GPR107: variants seen among roughly 807,000 people sequenced by gnomAD.
The protein encoded by GPR107 is G protein-coupled receptor 107, also known as protein GPR107.
In GPR107, 31 loss-of-function variants were observed where a neutral mutation model predicts 75.5. That is an observed-to-expected ratio of 0.41 (90% CI 0.31 to 0.55). The LOEUF (loss-of-function observed/expected upper bound fraction) is 0.55, where lower values mean the gene tolerates loss of function less well. Among genes scored for constraint, GPR107 ranks in the 20% least tolerant of loss-of-function variants. The pLI is 0.26. For synonymous variants in GPR107, 267 were observed against 251.3 expected (o/e 1.06, Z -0.59); for missense variants, 572 against 665.7 (o/e 0.86, Z 1.55).
In GPR107 at chr9:130,054,038, C is replaced by T; in HGVS notation, c.106C>T (p.Pro36Ser). 1 of 1,555,714 alleles carries T rather than the reference C, an allele frequency of 6.4e-7. No homozygotes were observed. Among genetic ancestry groups the T allele is most frequent in the Non-Finnish European group, 8.7e-7 (1 of 1,149,634 alleles). ...MLGLLQLLAE[P>S]GLGRVHHLAL... ...GGGTTTGCTGCAGTTGCTGGCCGAG[C>T]CTGGCCTGGGCCGCGTCCATCACCT... The change falls in exon 1 of 18, where the codon CCT becomes TCT. Residue 36 changes from proline (P) to serine (S), a missense_variant. Physicochemically the swap from Pro to Ser is moderately conservative, Grantham distance 74. Transcript: ENST00000347136.
In GPR107 at chr9:130,106,823, G is replaced by A. The variant is rs78282158; in HGVS notation, c.1263-673G>A. The stretch of plus-strand genomic sequence containing the variant: ...TGAGTGACAGTGTCAGACCACAGCC[G>A]CCTTCCCTCACACAGCCTGTCTGCC... On this transcript the variant is annotated intron_variant, in intron 13 of 17. Coordinates refer to ENST00000347136, the MANE Select transcript of GPR107 (RefSeq NM_020960.5). Among the ~76,000 whole-genome samples the A allele has an allele frequency of 5.3e-3, 813 of 151,974 alleles. 7 individuals are homozygous for A. The highest frequency in any genetic ancestry group is 0.019 in the African/African-American group (770 of 41,460).
chr9:130,094,095 G>A (rs557148155), intron 9 of GPR107, among the ~76,000 whole-genome samples: 6 of 151,532 alleles, frequency 4.0e-5, no homozygotes, highest in African/African-American at 9.7e-5. Context: ...GATTACAGGC[G>A]TGAGCCACCA....
At chr9:130,117,418 C>T (rs1831453067) in intron 14 of GPR107, among the ~76,000 whole-genome samples, 1 of 152,108 alleles carries the variant, frequency 6.6e-6, no homozygotes, top group Non-Finnish European at 1.5e-5. Context: ...GAGGGCAGCT[C>T]GTGAACTAAA....
chr9:130,065,145 G>A (rs1830038343), intron 1 of GPR107, among the ~76,000 whole-genome samples: 1 of 152,100 alleles, frequency 6.6e-6, no homozygotes, highest in Non-Finnish European at 1.5e-5. Flanking sequence ...CAGAGAACAT[G>A]TTTAGCCATT....
At chr9:130,056,143 G>A (rs1330885282) in intron 1 of GPR107, among the ~76,000 whole-genome samples, 1 of 151,270 alleles carries the variant, frequency 6.6e-6, no homozygotes, top group East Asian at 2.0e-4. Flanking sequence ...CTCCAGAAAA[G>A]TGCATGTAGA....
chr9:130,136,575 CTG>C lies in GPR107; in HGVS notation c.*1455_*1456del, dbSNP rs1247931122. 2 of 152,174 alleles carry C rather than the reference CTG, an allele frequency of 1.3e-5. No individual in the cohort carries two copies. Among genetic ancestry groups the C allele is most frequent in the African/African-American group, 4.8e-5 (2 of 41,438 alleles). 9.4% of individuals were successfully genotyped at this position (152,174 alleles called of 1,614,324 possible). A position where few individuals can be genotyped will look rare whatever the true frequency, so the allele number is the denominator to read the frequency against. On this transcript the variant is annotated 3_prime_UTR_variant, in exon 18 of 18. Coordinates refer to ENST00000347136, the MANE Select transcript of GPR107 (RefSeq NM_020960.5). ...GTCTCTGGGAGTTGTTTTCTCACCT[CTG>C]GCTTAGAAGGGTCAGGCAGAAACCA...
intron 14 of GPR107, among the ~76,000 whole-genome samples, chr9:130,120,353 C>T (rs758845): frequency 0.97 from 148,205 of 152,234 alleles, 72,177 homozygotes; most frequent in East Asian, 1. Context: ...TGTGACGTGG[C>T]GACGCATGAT....
Position 130,076,578 on chromosome 9 carries a change from A to T in GPR107, c.306+116A>T, listed in dbSNP as rs188689500. 1.9e-4 allele frequency: 136 copies of T among 732,180 alleles called. No individual in the cohort carries two copies. In the East Asian group the frequency reaches 3.2e-3, roughly 17 times the overall value. 45.4% of individuals were successfully genotyped at this position (732,180 alleles called of 1,614,324 possible). ...TTTTTTTTTTGGAGTACGGTGGCAC[A>T]ATCATAGCTCACTGCAACCTTGACC... On this transcript the variant is annotated intron_variant, in intron 3 of 17. Transcript: ENST00000347136.
intron 15 of GPR107, among the ~76,000 whole-genome samples, chr9:130,125,640 C>T (rs1421577507): frequency 1.9e-4 from 27 of 141,684 alleles, no homozygotes; most frequent in Non-Finnish European, 3.6e-4. Flanking sequence ...CTCGCTCTGT[C>T]GCCCAGGCTG....
At chr9:130,091,009 A>G (rs375069960) in intron 8 of GPR107, 26 bp downstream of exon 8, 4 of 937,932 alleles carry the variant, frequency 4.3e-6, no homozygotes, top group African/African-American at 3.2e-5. Flanking sequence ...AGATTGTTCT[A>G]CGTGGATTTT....
chr9:130,127,785 C>G (rs1259829950), intron 16 of GPR107, among the ~76,000 whole-genome samples: 1 of 152,192 alleles, frequency 6.6e-6, no homozygotes, highest in Admixed American at 6.5e-5. Context: ...TCACTGCAAC[C>G]TCCACCTCCC....
chr9:130,104,332 G>T (rs1831107520), intron 12 of GPR107, 88 bp from the exon 13 acceptor site: 1 of 1,213,134 alleles, frequency 8.2e-7, no homozygotes, highest in Non-Finnish European at 1.2e-6. Flanking sequence ...TGGGTCTGGA[G>T]GCCAAGGTGT....
In GPR107 at chr9:130,075,706, T is replaced by A. The variant is rs1197833112; in HGVS notation, c.212T>A (p.Val71Asp). The change falls in exon 2 of 18, where the codon GTC becomes GAC. Residue 71 changes from valine (V) to aspartate (D), a missense_variant. Val to Asp is a radical substitution (Grantham distance 152, BLOSUM62 -3). Coordinates refer to ENST00000347136, the MANE Select transcript of GPR107 (RefSeq NM_020960.5). ...AAGGATGGGTACATGGTGGTGAATGTCAGTAGCCTCTCACTGAATGAGCCT... is the reference window on the plus strand; with the variant it reads ...AAGGATGGGTACATGGTGGTGAATGACAGTAGCCTCTCACTGAATGAGCCT... Reference protein sequence around the residue: ...FFKDGYMVVNVSSLSLNEPED... With the variant: ...FFKDGYMVVNDSSLSLNEPED... 6.2e-7 allele frequency: 1 copy of A among 1,606,182 alleles called. No homozygotes were observed. The highest frequency in any genetic ancestry group is 2.2e-5 in the East Asian group (1 of 44,834).
intron 12 of GPR107, 51 bp downstream of exon 12, chr9:130,101,274 G>T: frequency 2.0e-6 from 2 of 976,064 alleles, no homozygotes; most frequent in Non-Finnish European, 3.3e-6. Flanking sequence ...CGCTTAGCAG[G>T]GCTCAGCTCC....
At chr9:130,062,961 C>G (rs1423792041) in intron 1 of GPR107, among the ~76,000 whole-genome samples, 1 of 152,114 alleles carries the variant, frequency 6.6e-6, no homozygotes, top group Non-Finnish European at 1.5e-5. Context: ...AACTCCTGGT[C>G]TCAAGCACTC....
At chr9:130,095,120 T>TCA (rs1830832314) in intron 9 of GPR107, among the ~76,000 whole-genome samples, 2 of 152,202 alleles carry the variant, frequency 1.3e-5, no homozygotes, top group South Asian at 4.1e-4. Context: ...GTGCCTTGCT[T>TCA]CACTGTAAAT....
At position 130,079,520 on chromosome 9, in the gene GPR107, G is replaced by A. The variant is rs1005028825; in HGVS notation, c.387-110G>A. ...GAATGTGGATAATAGAATCTACATTGTAGAACATGATAAGGACTGCATGAG... is the reference window on the plus strand; with the variant it reads ...GAATGTGGATAATAGAATCTACATTATAGAACATGATAAGGACTGCATGAG... On this transcript the variant is annotated intron_variant, in intron 4 of 17. Transcript: ENST00000347136. The A allele has an allele frequency of 7.7e-6, 6 of 782,686 alleles. No individual in the cohort carries two copies. In the African/African-American group the frequency reaches 1.0e-4, roughly 14 times the overall value. 48.5% of individuals were successfully genotyped at this position (782,686 alleles called of 1,614,324 possible). A position where few individuals can be genotyped will look rare whatever the true frequency, so the allele number is the denominator to read the frequency against.
chr9:130,077,109 A>G lies in GPR107; in HGVS notation c.307-190A>G, dbSNP rs1368877640. ...CACCATGTTGGCCAGGATGGTCTCG[A>G]TCTCCTGACCTCACGATCCACCCAC... On this transcript the variant is annotated intron_variant, in intron 3 of 17. Transcript: ENST00000347136. 2.0e-5 allele frequency among the ~76,000 whole-genome samples: 3 copies of G among 150,174 alleles called. No homozygotes were observed. The East Asian group carries it at 6.1e-4, about 30-fold the overall frequency.
At position 130,079,707 on chromosome 9, in the gene GPR107, G is replaced by T. The variant is rs1325155367; in HGVS notation, c.464G>T (p.Gly155Val). 1 of 1,612,700 alleles carries T rather than the reference G, an allele frequency of 6.2e-7. No individual in the cohort carries two copies. Among genetic ancestry groups the T allele is most frequent in the African/African-American group, 1.3e-5 (1 of 74,918 alleles). ...IIFSRDEKVLGQSQEPNVNPA... is the reference protein window; with the variant it reads ...IIFSRDEKVLVQSQEPNVNPA... ...TTCAGCAGGGATGAGAAAGTCCTTG[G>T]TCAGAGCCAGGAGCCTAATGTTAAC... Residue 155 changes from glycine to valine, a missense_variant, in exon 5 of 18, where the codon GGT becomes GTT. Gly to Val is a moderately radical substitution (Grantham distance 109, BLOSUM62 -3). Coordinates refer to ENST00000347136, the MANE Select transcript of GPR107 (RefSeq NM_020960.5).
Sources: gnomAD v4.1 joint callset for allele counts (sites outside exome capture counted in the v4.1 genomes callset) on GRCh38, gnomAD v4.1.1 for gene constraint, MANE v1.5 for transcripts, NCBI Gene and HGNC (gene_info 2026-07-23, HGNC 2026-07-21) for gene names.